COL10A1: variants seen among roughly 807,000 people sequenced by gnomAD.
The protein encoded by COL10A1 is collagen type X alpha 1 chain, also known as collagen alpha-1(X) chain.
Under a neutral mutation model 18.2 loss-of-function variants are expected in COL10A1, and 10 were observed. That is an observed-to-expected ratio of 0.55 (90% CI 0.34 to 0.93). The LOEUF (loss-of-function observed/expected upper bound fraction) is 0.93. Ranked by LOEUF, COL10A1 falls within the 40% of genes least tolerant of loss-of-function variation. The pLI, the probability that COL10A1 is intolerant of heterozygous loss-of-function variation, is 0.02. For missense variants in COL10A1, 897 were observed against 853.5 expected, an observed-to-expected ratio of 1.05 and a Z score of -0.64; for synonymous variants, 330 against 316.6, an observed-to-expected ratio of 1.04 and a Z score of -0.45.
At chr6:116,155,708 A>G (rs573893134) in intron 1 of COL10A1, among the ~76,000 whole-genome samples, 1 of 151,348 alleles carries the variant, frequency 6.6e-6, no homozygotes, top group East Asian at 1.9e-4. Flanking sequence ...CACTGGGTGA[A>G]TAAACAACAC....
At chr6:116,175,055 A>T in the COL10A1 span, among the ~76,000 whole-genome samples, 1 of 152,206 alleles carries the variant, frequency 6.6e-6, no homozygotes, top group African/African-American at 2.4e-5. Flanking sequence ...TTAAAAATTA[A>T]GGAATTAGGC....
the COL10A1 span, among the ~76,000 whole-genome samples, chr6:116,178,997 A>G: frequency 6.6e-6 from 1 of 152,342 alleles, no homozygotes; most frequent in South Asian, 2.1e-4. Flanking sequence ...CCTCATCTTC[A>G]TAGTTATACA....
chr6:116,167,568 C>G, the COL10A1 span, among the ~76,000 whole-genome samples: 3 of 152,114 alleles, frequency 2.0e-5, no homozygotes, highest in Admixed American at 6.6e-5. Flanking sequence ...GTTATTTGTA[C>G]TGATTTCATT....
intron 1 of COL10A1, among the ~76,000 whole-genome samples, chr6:116,141,263 A>AT (rs201726112): frequency 0.05 from 7,085 of 142,642 alleles, 584 homozygotes; most frequent in African/African-American, 0.17. Context: ...TTTTTATCAG[A>AT]TTTTTTTTTT....
At chr6:116,132,401 T>G (rs1779492315) in intron 1 of COL10A1, among the ~76,000 whole-genome samples, 1 of 152,214 alleles carries the variant, frequency 6.6e-6, no homozygotes, top group Admixed American at 6.6e-5. Context: ...GTTCTATAAC[T>G]TAAACCTCTG....
intron 1 of COL10A1, among the ~76,000 whole-genome samples, chr6:116,153,214 A>G (rs1780094112): frequency 6.6e-6 from 1 of 152,086 alleles, no homozygotes. Flanking sequence ...TTTTTAAATC[A>G]TAAAACTTAT....
the COL10A1 span, among the ~76,000 whole-genome samples, chr6:116,170,924 G>A: frequency 6.6e-6 from 1 of 152,080 alleles, no homozygotes; most frequent in Non-Finnish European, 1.5e-5. Context: ...GGCTTTTCCT[G>A]ACATCTAGCC....
At chr6:116,157,216 G>A (rs1357884977) in intron 1 of COL10A1, among the ~76,000 whole-genome samples, 2 of 152,176 alleles carry the variant, frequency 1.3e-5, no homozygotes, top group Middle Eastern at 3.4e-3. Flanking sequence ...TATTAATTTG[G>A]TTTAAAAATG....
chr6:116,132,376 A>G lies in COL10A1; in HGVS notation c.-15-6869T>C, dbSNP rs535489172. ...ATAGCTTAGACCATTTCTCTAGCCT[A>G]CTTTTCCTGTACATGTTCTATAACT... On this transcript the variant is annotated intron_variant, in intron 1 of 1. Transcript: ENST00000418500. Among the ~76,000 whole-genome samples, 5 of 152,216 alleles carry G rather than the reference A, an allele frequency of 3.3e-5. No homozygotes were observed. In the South Asian group the frequency reaches 1.0e-3, roughly 32 times the overall value.
chr6:116,185,283 T>G, the COL10A1 span, among the ~76,000 whole-genome samples: 1 of 152,154 alleles, frequency 6.6e-6, no homozygotes. Flanking sequence ...TGGCCTATCA[T>G]ATGGTCTGTC....
upstream of COL10A1, among the ~76,000 whole-genome samples, chr6:116,126,670 A>G (rs1434327392): frequency 6.6e-6 from 1 of 152,160 alleles, no homozygotes; most frequent in Admixed American, 6.5e-5. Flanking sequence ...TCCCTTATTC[A>G]CAACACTACG....
upstream of COL10A1, among the ~76,000 whole-genome samples, chr6:116,160,470 G>GT (rs140839434): frequency 6.6e-6 from 1 of 151,458 alleles, no homozygotes; most frequent in Non-Finnish European, 1.5e-5. Flanking sequence ...AATTTTTGTG[G>GT]TTTTTTTTCT....
At position 116,119,159 on chromosome 6, in the gene COL10A1, T is replaced by C. The variant is rs1779030416; in HGVS notation, c.*914A>G. 1 of 152,602 alleles carries C rather than the reference T, an allele frequency of 6.6e-6. No homozygotes were observed. Among genetic ancestry groups the C allele is most frequent in the African/African-American group, 2.4e-5 (1 of 41,420 alleles). 9.5% of individuals were successfully genotyped at this position (152,602 alleles called of 1,614,324 possible). On this transcript the variant is annotated 3_prime_UTR_variant, in exon 3 of 3. Coordinates refer to ENST00000651968, the MANE Select transcript of COL10A1 (RefSeq NM_000493.4). The stretch of plus-strand genomic sequence containing the variant: ...GTACAGTGCATAAATAAATAATATA[T>C]CTCCACTTCTAGTCGAATTTTGAAA...
chr6:116,163,141 A>AAAAAATATAT (rs761718922), upstream of COL10A1, among the ~76,000 whole-genome samples: 22 of 88,392 alleles, frequency 2.5e-4, no homozygotes, highest in African/African-American at 8.1e-4. Context: ...AAAAAAAAAA[A>AAAAAATATAT]ATATATATAT....
intron 2 of COL10A1, among the ~76,000 whole-genome samples, chr6:116,124,396 T>A (rs1779230313): frequency 6.6e-6 from 1 of 152,170 alleles, no homozygotes; most frequent in South Asian, 2.1e-4. Flanking sequence ...TTAGTGAATA[T>A]GAGGCCTAGA....
At chr6:116,188,706 CT>C in the COL10A1 span, among the ~76,000 whole-genome samples, 151 of 146,092 alleles carry the variant, frequency 1.0e-3, no homozygotes, top group Admixed American at 8.9e-4. Flanking sequence ...AAATTTTCTA[CT>C]TTTTTTTTTT....
chr6:116,141,568 A>AT (rs1357499350), intron 1 of COL10A1, among the ~76,000 whole-genome samples: 2 of 151,704 alleles, frequency 1.3e-5, no homozygotes, highest in Admixed American at 1.3e-4. Context: ...TGTTTCATTA[A>AT]TTTTTTTTGA....
rs144479322 is a variant in COL10A1, at chr6:116,121,343, C to G, written c.773G>C (p.Arg258Pro). 6.2e-7 allele frequency: 1 copy of G among 1,613,966 alleles called. No homozygotes were observed. Among genetic ancestry groups the G allele is most frequent in the South Asian group, 1.1e-5 (1 of 91,066 alleles). The change falls in exon 3 of 3, where the codon CGA becomes CCA. Residue 258 changes from arginine (R) to proline (P), a missense_variant. Transcript: ENST00000651968. Reference protein sequence around the residue: ...PPGPQGPPGERGPEGIGKPGA... With the variant: ...PPGPQGPPGEPGPEGIGKPGA... ...TGGCTTTCCAATGCCTTCTGGCCCT[C>G]GTTCCCCAGGAGGGCCTTGGGGACC...
the COL10A1 span, among the ~76,000 whole-genome samples, chr6:116,212,845 C>G: frequency 6.6e-6 from 1 of 152,072 alleles, no homozygotes; most frequent in Non-Finnish European, 1.5e-5. Context: ...GCTTTAAATA[C>G]TTGTTAATTT....
Sources: gnomAD v4.1 joint callset for allele counts (sites outside exome capture counted in the v4.1 genomes callset) on GRCh38, gnomAD v4.1.1 for gene constraint, MANE v1.5 for transcripts, NCBI Gene and HGNC (gene_info 2026-07-23, HGNC 2026-07-21) for gene names.